The following INPP5K variants were observed in gnomAD, a reference collection of about 807,000 sequenced individuals.
INPP5K encodes the protein inositol polyphosphate-5-phosphatase K.
Under a neutral mutation model 53.5 loss-of-function variants are expected in INPP5K, and 35 were observed. The ratio of observed to expected loss-of-function variants is 0.65; its 90% CI spans 0.50 to 0.87. The LOEUF is 0.87. Ranked by LOEUF, INPP5K falls within the 40% of genes least tolerant of loss-of-function variation. The pLI, the probability that INPP5K is intolerant of heterozygous loss-of-function variation, is 0.00. For synonymous variants in INPP5K, 253 were observed against 232.8 expected, an observed-to-expected ratio of 1.09 and a Z score of -0.79; for missense variants, 550 against 586.2, an observed-to-expected ratio of 0.94 and a Z score of 0.64.
rs779287248 is a variant in INPP5K at position 1,496,315 on chromosome 17, G to A, written c.1185+4C>T. 3.0e-5 allele frequency: 47 copies of A among 1,558,052 alleles called. No individual in the cohort carries two copies. Among genetic ancestry groups the A allele is most frequent in the Non-Finnish European group, 3.8e-5 (44 of 1,150,084 alleles). ...TGGTGATGTACCTGGTGCTGGTGAC[G>A]TACCTGGTTCAGGTTGTCGCTGCAG... On this transcript the variant is annotated splice_donor_region_variant and intron_variant, in intron 10 of 11. Coordinates refer to ENST00000421807, the MANE Select transcript of INPP5K (RefSeq NM_016532.4).
At chr17:1,512,926 G>A (rs1220557004) in intron 3 of INPP5K, among the ~76,000 whole-genome samples, 2 of 152,334 alleles carry the variant, frequency 1.3e-5, no homozygotes, top group East Asian at 3.9e-4. Context: ...CTTGGGTTAT[G>A]AAGTTTGAGA....
Position 1,496,736 on chromosome 17 carries a change from T to C in INPP5K, c.1031A>G (p.Asp344Gly). The change falls in exon 9 of 12, where the codon GAC becomes GGC. Residue 344 changes from aspartate to glycine, a missense_variant. By Grantham distance (94) the Asp-to-Gly change is moderately conservative. Transcript: ENST00000421807. ...GGTTGAAGAGTAGCTGACCATCATGTCATTTTCCACGGTCCACAGGTCCTC... is the reference window on the plus strand; with the variant it reads ...GGTTGAAGAGTAGCTGACCATCATGCCATTTTCCACGGTCCACAGGTCCTC... ...MPEDLWTVEN[D>G]MMVSYSSTSD... is the part of the protein sequence containing the mutation. The C allele has an allele frequency of 1.2e-6, 2 of 1,614,206 alleles. No homozygotes were observed. The highest frequency in any genetic ancestry group is 1.6e-4 in the Middle Eastern group (1 of 6,062).
intron 3 of INPP5K, among the ~76,000 whole-genome samples, chr17:1,511,990 GA>G (rs1296253128): frequency 6.6e-6 from 1 of 152,184 alleles, no homozygotes; most frequent in East Asian, 1.9e-4. Context: ...GAGGAGCGAA[GA>G]AAGGACTAGC....
intron 7 of INPP5K, among the ~76,000 whole-genome samples, chr17:1,500,468 A>C (rs147114079): frequency 0.022 from 3,368 of 151,474 alleles, 155 homozygotes; most frequent in African/African-American, 0.076. Flanking sequence ...AGGTTCATGC[A>C]ATTCTCCTGC....
chr17:1,515,042 G>T (rs2075400951), intron 1 of INPP5K, among the ~76,000 whole-genome samples: 1 of 151,970 alleles, frequency 6.6e-6, no homozygotes, highest in African/African-American at 2.4e-5. Context: ...AAGTAGCTGG[G>T]ATTACAGGTG....
chr17:1,506,046 C>T (rs1486691428), intron 7 of INPP5K, among the ~76,000 whole-genome samples: 6 of 152,120 alleles, frequency 3.9e-5, no homozygotes, highest in Non-Finnish European at 8.8e-5. Context: ...TTTTTTGAGA[C>T]GGAGTCTCGC....
intron 3 of INPP5K, among the ~76,000 whole-genome samples, chr17:1,511,013 G>A (rs888633112): frequency 4.6e-5 from 7 of 151,938 alleles, no homozygotes; most frequent in Admixed American, 1.3e-4. Context: ...ATGCTTTTCT[G>A]TGTACATTAT....
intron 1 of INPP5K, 27 bp downstream of exon 1, chr17:1,516,429 C>G (rs1452501225): frequency 6.3e-7 from 1 of 1,586,504 alleles, no homozygotes; most frequent in Admixed American, 1.7e-5. Context: ...CCGAGCAGGC[C>G]TGCCTCTGCC....
Position 1,506,971 on chromosome 17 carries a change from C to T in INPP5K, c.776+9G>A. 6.2e-7 allele frequency: 1 copy of T among 1,600,596 alleles called. No individual in the cohort carries two copies. Among genetic ancestry groups the T allele is most frequent in the Non-Finnish European group, 8.6e-7 (1 of 1,167,984 alleles). On this transcript the variant is annotated intron_variant, in intron 7 of 11. Coordinates refer to ENST00000421807, the MANE Select transcript of INPP5K (RefSeq NM_016532.4). ...TCCTAGACCTTCTGGCCCCCCACTC[C>T]CTCCTCACCTGGTGTCATAGTCGTT... is the stretch of plus-strand genomic sequence containing the variant.
rs2074811055 is a variant in INPP5K, at chr17:1,495,692, G to C, written c.*131C>G. 2 of 656,112 alleles carry C rather than the reference G, an allele frequency of 3.0e-6. No individual in the cohort carries two copies. Among genetic ancestry groups the C allele is most frequent in the South Asian group, 3.4e-5 (2 of 59,342 alleles). The allele number at this position is 656,112 out of a possible 1,614,324, so 40.6% of individuals were successfully genotyped here. On this transcript the variant is annotated 3_prime_UTR_variant, in exon 12 of 12. Transcript: ENST00000421807. Reference sequence around the variant, plus strand: ...AATGAGCCTGGTTAGAGCTCACTCTGGGAGGAGTATGTGGACGACACTTGG... The same window carrying C: ...AATGAGCCTGGTTAGAGCTCACTCTCGGAGGAGTATGTGGACGACACTTGG...
At chr17:1,509,855 C>T in intron 3 of INPP5K, 56 bp from the exon 4 acceptor site, 1 of 1,054,440 alleles carries the variant, frequency 9.5e-7, no homozygotes, top group Non-Finnish European at 1.5e-6. Flanking sequence ...CAAGTGCATC[C>T]CTTCCAAGCT....
rs2075207623 is a variant in INPP5K, at chr17:1,508,118, G to C, written c.663C>G (p.Asp221Glu). Residue 221 changes from aspartate to glutamate, a missense_variant, in exon 6 of 12, where the codon GAC (aspartate) becomes GAG (glutamate). By Grantham distance (45) the Asp-to-Glu change is conservative (BLOSUM62 2). Transcript: ENST00000421807. ...GGACCCTCCCCTCACTGGATACCTG[G>C]TCCTTCTCCCACAGGCCACCGTAGC... Reference protein sequence around the residue: ...NRCYGGLWEKDQLSIAKKHDP... With the variant: ...NRCYGGLWEKEQLSIAKKHDP... 6.2e-7 allele frequency: 1 copy of C among 1,610,714 alleles called. No individual in the cohort carries two copies. Among genetic ancestry groups the C allele is most frequent in the Non-Finnish European group, 8.5e-7 (1 of 1,177,012 alleles).
intron 2 of INPP5K, 78 bp downstream of exon 2, chr17:1,513,794 G>C (rs770146825): frequency 7.0e-6 from 8 of 1,146,496 alleles, no homozygotes; most frequent in Admixed American, 1.9e-5. Flanking sequence ...CCAGAGCGGA[G>C]GAGGGCAGGT....
In INPP5K at chr17:1,497,950, T is replaced by C; in HGVS notation, c.949A>G (p.Thr317Ala). The C allele has an allele frequency of 6.2e-7, 1 of 1,613,350 alleles. No homozygotes were observed. The highest frequency in any genetic ancestry group is 8.5e-7 in the Non-Finnish European group (1 of 1,179,380). Residue 317 changes from threonine (T) to alanine (A), a missense_variant, in exon 8 of 12, where the codon ACG becomes GCG. By Grantham distance (58) the Thr-to-Ala change is moderately conservative. Transcript: ENST00000421807. The part of the protein sequence containing the change: ...GISDHKPVSG[T>A]FDLELKPLVS... Reference sequence around the variant, plus strand: ...CAGAAGTTCACCTCCAAGTCGAACGTGCCGGAGACAGGCTTGTGGTCGCTG... The same window carrying C: ...CAGAAGTTCACCTCCAAGTCGAACGCGCCGGAGACAGGCTTGTGGTCGCTG...
At chr17:1,513,366 G>T (rs186660259) in intron 3 of INPP5K, 87 bp downstream of exon 3, 1 of 1,033,060 alleles carries the variant, frequency 9.7e-7, no homozygotes, top group Admixed American at 1.7e-5. Context: ...CTGAGCAGGA[G>T]TAAGAGGAAC....
chr17:1,506,979 C>G lies in INPP5K; in HGVS notation c.776+1G>C, dbSNP rs1181303723. The G allele has an allele frequency of 1.9e-6, 3 of 1,610,438 alleles. No individual in the cohort carries two copies. The highest frequency in any genetic ancestry group is 2.5e-6 in the Non-Finnish European group (3 of 1,176,764). On this transcript the variant is annotated splice_donor_variant, in intron 7 of 11. Coordinates refer to ENST00000421807, the MANE Select transcript of INPP5K (RefSeq NM_016532.4). LOFTEE classifies it high-confidence loss of function. ...CTTCTGGCCCCCCACTCCCTCCTCACCTGGTGTCATAGTCGTTGGAGTTCC... is the reference window on the plus strand; with the variant it reads ...CTTCTGGCCCCCCACTCCCTCCTCAGCTGGTGTCATAGTCGTTGGAGTTCC...
At chr17:1,516,204 G>A in intron 1 of INPP5K, 1 of 979,778 alleles carries the variant, frequency 1.0e-6, no homozygotes, top group Non-Finnish European at 1.4e-6. Flanking sequence ...AACCCCACAC[G>A]GCTGTCCTCT....
At position 1,516,582 on chromosome 17, in the gene INPP5K, G is replaced by A. The variant is rs1185086833; in HGVS notation, c.-83C>T. On this transcript the variant is annotated 5_prime_UTR_variant, in exon 1 of 12. Transcript: ENST00000421807. The stretch of plus-strand genomic sequence containing the variant: ...CCCGGCCAGAGCAGCCCTGCGGGCG[G>A]CCGGTCTCACGCGCCTAGCTGTCGC... 4.9e-6 allele frequency: 7 copies of A among 1,439,634 alleles called. No homozygotes were observed. Among genetic ancestry groups the A allele is most frequent in the Middle Eastern group, 2.5e-4 (1 of 4,048 alleles). The allele number at this position is 1,439,634 out of a possible 1,614,324, so 89.2% of individuals were successfully genotyped here. A position where few individuals can be genotyped will look rare whatever the true frequency, so the allele number is the denominator to read the frequency against.
chr17:1,496,005 G>T, intron 11 of INPP5K, 55 bp downstream of exon 11: 1 of 1,440,996 alleles, frequency 6.9e-7, no homozygotes, highest in Non-Finnish European at 9.8e-7. Context: ...GCCTCAGGGA[G>T]CCAGTGATGA....
Sources: allele counts gnomAD v4.1 joint callset (sites outside exome capture counted in the v4.1 genomes callset), GRCh38; gene constraint gnomAD v4.1.1; transcripts MANE v1.5; gene names NCBI Gene and HGNC (gene_info 2026-07-23, HGNC 2026-07-21).